Variants in LOC128462377 observed in about 807,000 individuals in gnomAD.
At chr16:89,324,695 C>G in the LOC128462377 span, 4 of 347,294 alleles carry the variant, frequency 1.2e-5, no homozygotes, top group African/African-American at 2.2e-5. Flanking sequence ...ACATCAGACT[C>G]CAAGTGCTTC....
the LOC128462377 span, among the ~76,000 whole-genome samples, chr16:89,338,311 C>T: frequency 6.6e-6 from 1 of 151,908 alleles, no homozygotes; most frequent in Non-Finnish European, 1.5e-5. Context: ...CCCTACCAAG[C>T]CAGGACAGCC....
chr16:89,333,264 C>T, the LOC128462377 span, among the ~76,000 whole-genome samples: 2 of 152,324 alleles, frequency 1.3e-5, no homozygotes, highest in African/African-American at 4.8e-5. Context: ...GCTTTAGGTT[C>T]ACAGCAAAAT....
At chr16:89,408,416 G>A in the LOC128462377 span, among the ~76,000 whole-genome samples, 1 of 152,264 alleles carries the variant, frequency 6.6e-6, no homozygotes, top group Non-Finnish European at 1.5e-5. Context: ...AGGAGGAAGA[G>A]GATGGCAGGT....
chr16:89,322,504 G>A, the LOC128462377 span, among the ~76,000 whole-genome samples: 474 of 152,366 alleles, frequency 3.1e-3, 1 homozygote, highest in African/African-American at 0.011. Context: ...GGCCTCAGAG[G>A]CCCAGGAGGA....
At chr16:89,391,847 C>A in the LOC128462377 span, among the ~76,000 whole-genome samples, 1 of 152,202 alleles carries the variant, frequency 6.6e-6, no homozygotes, top group Non-Finnish European at 1.5e-5. Flanking sequence ...TCTTAAATAT[C>A]TGCTAGCCTT....
chr16:89,365,588 T>C, the LOC128462377 span, among the ~76,000 whole-genome samples: 5 of 152,192 alleles, frequency 3.3e-5, no homozygotes, highest in Admixed American at 2.0e-4. Flanking sequence ...TGTGTATGCC[T>C]TAATAATTGA....
the LOC128462377 span, among the ~76,000 whole-genome samples, chr16:89,371,969 G>A: frequency 2.6e-5 from 4 of 152,182 alleles, no homozygotes; most frequent in South Asian, 6.2e-4. Context: ...CTGGAAGAAA[G>A]AACCCACAGA....
the LOC128462377 span, among the ~76,000 whole-genome samples, chr16:89,381,906 G>A: frequency 0.019 from 2,912 of 152,326 alleles, 214 homozygotes; most frequent in East Asian, 0.21. Context: ...CAGTCCAGCC[G>A]ACTGCACTCT....
At chr16:89,320,957 C>T in the LOC128462377 span, among the ~76,000 whole-genome samples, 1 of 152,218 alleles carries the variant, frequency 6.6e-6, no homozygotes, top group Admixed American at 6.5e-5. Flanking sequence ...TGGCCTGCTC[C>T]TCCCGGAAGG....
the LOC128462377 span, among the ~76,000 whole-genome samples, chr16:89,331,616 T>TA: frequency 1.3e-5 from 2 of 151,896 alleles, no homozygotes; most frequent in African/African-American, 4.8e-5. Context: ...ATTCAGGAGA[T>TA]AGAGATTTAT....
the LOC128462377 span, among the ~76,000 whole-genome samples, chr16:89,325,722 G>A: frequency 6.6e-6 from 1 of 152,198 alleles, no homozygotes; most frequent in Admixed American, 6.5e-5. Context: ...CTGGGTGGAC[G>A]TTTGGGTTCT....
At chr16:89,402,088 ACT>A in the LOC128462377 span, among the ~76,000 whole-genome samples, 2 of 151,752 alleles carry the variant, frequency 1.3e-5, no homozygotes, top group Admixed American at 6.6e-5. Flanking sequence ...ACCAAGTTTC[ACT>A]CTCTGTCCAT....
chr16:89,393,272 ATTAAACT>A, the LOC128462377 span, among the ~76,000 whole-genome samples: 2 of 151,660 alleles, frequency 1.3e-5, no homozygotes, highest in East Asian at 3.9e-4. Context: ...CACTGTACAC[ATTAAACT>A]TTAGTTTCCT....
At chr16:89,352,829 C>G in the LOC128462377 span, among the ~76,000 whole-genome samples, 3 of 152,210 alleles carry the variant, frequency 2.0e-5, no homozygotes, top group Non-Finnish European at 4.4e-5. Flanking sequence ...GGCCCCCAAG[C>G]AGGGCCCCTA....
At chr16:89,406,336 G>A in the LOC128462377 span, among the ~76,000 whole-genome samples, 112 of 152,206 alleles carry the variant, frequency 7.4e-4, no homozygotes, top group African/African-American at 2.4e-3. Context: ...AGGTCACGGC[G>A]GGCACGGGAA....
chr16:89,371,747 C>T, the LOC128462377 span, among the ~76,000 whole-genome samples: 1 of 152,174 alleles, frequency 6.6e-6, no homozygotes, highest in South Asian at 2.1e-4. Flanking sequence ...CTCCCTCCTG[C>T]ACCCCCTCAG....
the LOC128462377 span, among the ~76,000 whole-genome samples, chr16:89,327,323 T>G: frequency 6.6e-6 from 1 of 152,152 alleles, no homozygotes; most frequent in Middle Eastern, 3.4e-3. Flanking sequence ...CTCAACACGA[T>G]AAAGGCCAAC....
the LOC128462377 span, among the ~76,000 whole-genome samples, chr16:89,335,701 G>A: frequency 3.3e-5 from 5 of 152,184 alleles, no homozygotes; most frequent in African/African-American, 2.4e-5. Context: ...GCACATGAGC[G>A]CCCAGGGGCC....
At chr16:89,336,984 A>T in the LOC128462377 span, among the ~76,000 whole-genome samples, 1 of 140,998 alleles carries the variant, frequency 7.1e-6, no homozygotes, top group Non-Finnish European at 1.5e-5. Flanking sequence ...AGCCTGGGCA[A>T]CATGGTGAAA....
Sources: gnomAD v4.1 joint callset for allele counts (sites outside exome capture counted in the v4.1 genomes callset) on GRCh38, gnomAD v4.1.1 for gene constraint, MANE v1.5 for transcripts.